NFAM1: variants seen among roughly 807,000 people sequenced by gnomAD.
The protein encoded by NFAM1 is NFAT activating protein with ITAM motif 1, also known as NFAT activation molecule 1.
Under a neutral mutation model 29.0 loss-of-function variants are expected in NFAM1, and 17 were observed. The observed-to-expected ratio is 0.59, with a 90% CI of 0.40 to 0.88. NFAM1 has a LOEUF of 0.88. Ranked by LOEUF, NFAM1 falls within the 40% of genes least tolerant of loss-of-function variation. The pLI is 0.00. For synonymous variants in NFAM1, 175 were observed against 147.2 expected (o/e 1.19, Z -1.36); for missense variants, 324 against 344.6 (o/e 0.94, Z 0.47).
rs1601728417 is a variant in NFAM1, at chr22:42,383,234, A to T, written c.*1927T>A. 6.5e-6 allele frequency: 1 copy of T among 153,100 alleles called. No homozygotes were observed. The highest frequency in any genetic ancestry group is 2.4e-5 in the African/African-American group (1 of 41,566). The allele number at this position is 153,100 out of a possible 1,614,324, so 9.5% of individuals were successfully genotyped here. A position where few individuals can be genotyped will look rare whatever the true frequency, so the allele number is the denominator to read the frequency against. ...GTCAGAGAGGCCCAGGAGGTGGGGG[A>T]GGCAGGCCCAGTGAGGTGGCCCTCT... On this transcript the variant is annotated 3_prime_UTR_variant, in exon 6 of 6. Transcript: ENST00000329021.
rs191610334 is a variant in NFAM1 at position 42,400,415 on chromosome 22, C to T, written c.565-2459G>A. On this transcript the variant is annotated intron_variant, in intron 3 of 5. Coordinates refer to ENST00000329021, the MANE Select transcript of NFAM1 (RefSeq NM_145912.8). ...GGTGGATCACTTGAGGTCGGGAGTT[C>T]GAGACCAGCCTGGCCAACATAGTGA... is the stretch of plus-strand genomic sequence containing the variant. Among the ~76,000 whole-genome samples, 466 of 152,150 alleles carry T rather than the reference C, an allele frequency of 3.1e-3. 5 individuals are homozygous for T. Among genetic ancestry groups the T allele is most frequent in the African/African-American group, 0.01 (431 of 41,480 alleles).
chr22:42,418,306 T>C (rs774031410), intron 1 of NFAM1, among the ~76,000 whole-genome samples: 29 of 152,160 alleles, frequency 1.9e-4, no homozygotes, highest in Non-Finnish European at 3.5e-4. Context: ...GTGGGATTAA[T>C]TGGGACCTGG....
chr22:42,397,109 T>A (rs148452358), intron 4 of NFAM1, among the ~76,000 whole-genome samples: 51 of 152,316 alleles, frequency 3.3e-4, no homozygotes, highest in Admixed American at 7.2e-4. Flanking sequence ...TTGGAGCATA[T>A]GTTGTTCGTG....
Position 42,404,417 on chromosome 22 carries a change from C to T in NFAM1, c.564+5018G>A, listed in dbSNP as rs1285849256. On this transcript the variant is annotated intron_variant, in intron 3 of 5. Coordinates refer to ENST00000329021, the MANE Select transcript of NFAM1 (RefSeq NM_145912.8). ...GGACTCTCTCCTTACCCCATCCTGCCGCTGCCATCAGGGGCATCCACAGCG... is the reference window on the plus strand; with the variant it reads ...GGACTCTCTCCTTACCCCATCCTGCTGCTGCCATCAGGGGCATCCACAGCG... Among the ~76,000 whole-genome samples the T allele has an allele frequency of 4.6e-5, 7 of 152,088 alleles. No individual in the cohort carries two copies. In the East Asian group the frequency reaches 5.8e-4, roughly 13 times the overall value.
At chr22:42,405,923 G>A (rs1255530787) in intron 3 of NFAM1, among the ~76,000 whole-genome samples, 1 of 152,142 alleles carries the variant, frequency 6.6e-6, no homozygotes, top group Non-Finnish European at 1.5e-5. Flanking sequence ...GGCAGGAAAT[G>A]CAGCCCCTGG....
At chr22:42,433,299 G>A (rs907906489), upstream of NFAM1, among the ~76,000 whole-genome samples, 1 of 152,226 alleles carries the variant, frequency 6.6e-6, no homozygotes, top group African/African-American at 2.4e-5. Context: ...ACGCAGGCGG[G>A]AAGGTGGCTG....
intron 1 of NFAM1, among the ~76,000 whole-genome samples, chr22:42,412,937 A>G (rs1330994179): frequency 6.6e-6 from 1 of 152,188 alleles, no homozygotes; most frequent in Non-Finnish European, 1.5e-5. Context: ...GGCACCTCAG[A>G]AAACAGTTTG....
upstream of NFAM1, among the ~76,000 whole-genome samples, chr22:42,436,405 G>A (rs1205781437): frequency 6.6e-6 from 1 of 152,168 alleles, no homozygotes; most frequent in Non-Finnish European, 1.5e-5. Flanking sequence ...GTACTCAGGG[G>A]CCGATCCACC....
chr22:42,437,666 G>A, the NFAM1 span, among the ~76,000 whole-genome samples: 4 of 152,218 alleles, frequency 2.6e-5, no homozygotes, highest in Non-Finnish European at 5.9e-5. Flanking sequence ...CCACCTGGTG[G>A]TAGACATGGG....
chr22:42,419,532 C>T lies in NFAM1; in HGVS notation c.122-7796G>A, dbSNP rs1930365497. 6.6e-6 allele frequency among the ~76,000 whole-genome samples: 1 copy of T among 152,176 alleles called. No individual in the cohort carries two copies. Among genetic ancestry groups the T allele is most frequent in the Admixed American group, 6.5e-5 (1 of 15,280 alleles). Reference sequence around the variant, plus strand: ...AAACATGCATCTCTTAACTTTGGGCCACTGCTAAGAAAAATGGAAAGTCCC... The same window carrying T: ...AAACATGCATCTCTTAACTTTGGGCTACTGCTAAGAAAAATGGAAAGTCCC... On this transcript the variant is annotated intron_variant, in intron 1 of 5. Coordinates refer to ENST00000329021, the MANE Select transcript of NFAM1 (RefSeq NM_145912.8). This position sits in a 1 kb window ranked among gnomAD's most constrained non-coding sequence, Gnocchi z 4.5.
At chr22:42,400,158 T>C (rs1293647660) in intron 3 of NFAM1, among the ~76,000 whole-genome samples, 1 of 152,248 alleles carries the variant, frequency 6.6e-6, no homozygotes, top group Non-Finnish European at 1.5e-5. Flanking sequence ...AGACAGGAGC[T>C]GGAGTTTTGA....
chr22:42,421,222 G>A (rs771215996), intron 1 of NFAM1, among the ~76,000 whole-genome samples: 6 of 152,100 alleles, frequency 3.9e-5, no homozygotes, highest in Non-Finnish European at 2.9e-5. Flanking sequence ...AGCGTGAGGT[G>A]GGTGGATCTC....
intron 1 of NFAM1, among the ~76,000 whole-genome samples, chr22:42,422,321 C>A (rs952755327): frequency 6.6e-6 from 1 of 152,118 alleles, no homozygotes; most frequent in African/African-American, 2.4e-5. Context: ...TTTTGAAAGT[C>A]AAGGCCGGGC....
intron 4 of NFAM1, among the ~76,000 whole-genome samples, chr22:42,396,158 G>T (rs532226832): frequency 6.6e-6 from 1 of 152,236 alleles, no homozygotes; most frequent in East Asian, 1.9e-4. Flanking sequence ...AAGCTGGCCT[G>T]CAACTCTGCA....
In NFAM1 at chr22:42,432,225, G is replaced by A. The variant is rs752397430; in HGVS notation, c.121+12C>T. ...GCGAGAGAGTAGAGAGAAGGAGGAA[G>A]ACAGACACTACCTGCCAGTCGCAGG... On this transcript the variant is annotated intron_variant, in intron 1 of 5. Coordinates refer to ENST00000329021, the MANE Select transcript of NFAM1 (RefSeq NM_145912.8). 6.4e-7 allele frequency: 1 copy of A among 1,567,698 alleles called. No individual in the cohort carries two copies. Among genetic ancestry groups the A allele is most frequent in the Non-Finnish European group, 8.7e-7 (1 of 1,155,476 alleles).
At position 42,388,081 on chromosome 22, in the gene NFAM1, G is replaced by A. The variant is rs575036537; in HGVS notation, c.664-1003C>T. Among the ~76,000 whole-genome samples the A allele has an allele frequency of 6.6e-5, 10 of 152,356 alleles. No homozygotes were observed. The highest frequency in any genetic ancestry group is 2.0e-4 in the Admixed American group (3 of 15,310). ...TGAGCTATGGTAAGGGGGCTTCCCC[G>A]TCACTCGGGTGTGTCCTAGGCCCAC... On this transcript the variant is annotated intron_variant, in intron 4 of 5. Coordinates refer to ENST00000329021, the MANE Select transcript of NFAM1 (RefSeq NM_145912.8). This position sits in a 1 kb window ranked among gnomAD's most constrained non-coding sequence, Gnocchi z 4.1.
intron 3 of NFAM1, among the ~76,000 whole-genome samples, chr22:42,407,784 G>T (rs1335773645): frequency 1.3e-5 from 2 of 151,858 alleles, no homozygotes; most frequent in East Asian, 1.9e-4. Context: ...TAGAGATGGG[G>T]TCTCTCTCTG....
chr22:42,395,563 T>C (rs1359523265), intron 4 of NFAM1, among the ~76,000 whole-genome samples: 1 of 151,228 alleles, frequency 6.6e-6, no homozygotes, highest in African/African-American at 2.4e-5. Context: ...GCATTATTCA[T>C]AGATGACATG....
intron 4 of NFAM1, among the ~76,000 whole-genome samples, chr22:42,393,747 C>T (rs1200100433): frequency 1.3e-5 from 2 of 151,366 alleles, no homozygotes; most frequent in African/African-American, 2.4e-5. Flanking sequence ...TAGTAAGGAT[C>T]AATTGTTAAT....
Sources: allele counts gnomAD v4.1 joint callset (sites outside exome capture counted in the v4.1 genomes callset), GRCh38; gene constraint gnomAD v4.1.1; non-coding constraint Gnocchi (gnomAD v3.1); transcripts MANE v1.5; gene names NCBI Gene and HGNC (gene_info 2026-07-23, HGNC 2026-07-21).